Variants in POU6F2 observed in about 807,000 individuals in gnomAD.
POU6F2 encodes the protein POU class 6 homeobox 2, also known as POU domain, class 6, transcription factor 2.
In POU6F2, 31 loss-of-function variants were observed where a neutral mutation model predicts 71.3. The observed-to-expected ratio is 0.43, with a 90% CI of 0.33 to 0.59. POU6F2 has a LOEUF of 0.59. Among genes scored for constraint, POU6F2 ranks in the 20% least tolerant of loss-of-function variants. POU6F2 has a pLI of 0.04. For synonymous variants in POU6F2, 347 were observed against 355.7 expected (o/e 0.98, Z 0.27); for missense variants, 783 against 856.8 (o/e 0.91, Z 1.07).
intron 2 of POU6F2, among the ~76,000 whole-genome samples, chr7:39,153,986 A>T (rs1237392512): frequency 6.6e-6 from 1 of 152,222 alleles, no homozygotes; most frequent in Non-Finnish European, 1.5e-5. Context: ...ATAAACATCA[A>T]TAGTAACTGT....
At chr7:39,307,377 A>G (rs980532624) in intron 4 of POU6F2, among the ~76,000 whole-genome samples, 1 of 152,228 alleles carries the variant, frequency 6.6e-6, no homozygotes, top group African/African-American at 2.4e-5. Flanking sequence ...TTACAAATGT[A>G]AAAGTTAGAA....
chr7:39,006,685 C>A, intron 1 of POU6F2: 1 of 683,030 alleles, frequency 1.5e-6, no homozygotes, highest in South Asian at 1.8e-5. Flanking sequence ...CTGTAAAAAG[C>A]ATGTGTGTCA....
intron 4 of POU6F2, among the ~76,000 whole-genome samples, chr7:39,236,174 T>A (rs1275866840): frequency 2.0e-5 from 3 of 152,150 alleles, no homozygotes; most frequent in African/African-American, 7.2e-5. Flanking sequence ...TTTCTTTAAA[T>A]AGAACACACT....
intron 1 of POU6F2, among the ~76,000 whole-genome samples, chr7:39,054,566 T>A (rs1790467690): frequency 6.6e-6 from 1 of 152,032 alleles, no homozygotes; most frequent in Non-Finnish European, 1.5e-5. Context: ...TGAATACAGG[T>A]AATGGCCCTC....
intron 2 of POU6F2, among the ~76,000 whole-genome samples, chr7:39,139,871 C>G (rs1185457936): frequency 6.6e-6 from 1 of 152,124 alleles, no homozygotes; most frequent in African/African-American, 2.4e-5. Context: ...GCTATTCTGG[C>G]TCTAGGAAAG....
intron 4 of POU6F2, among the ~76,000 whole-genome samples, chr7:39,219,485 A>G (rs1036019977): frequency 6.6e-6 from 1 of 152,158 alleles, no homozygotes; most frequent in Non-Finnish European, 1.5e-5. Flanking sequence ...GGCAGTGGAA[A>G]TGGCACCATT....
chr7:39,136,884 G>A (rs1792399294), intron 2 of POU6F2, among the ~76,000 whole-genome samples: 1 of 151,378 alleles, frequency 6.6e-6, no homozygotes, highest in Non-Finnish European at 1.5e-5. Context: ...CTACTCAGGA[G>A]GCTGAGATGG....
At chr7:39,439,389 G>T (rs60003380) in intron 7 of POU6F2, among the ~76,000 whole-genome samples, 51,245 of 152,044 alleles carry the variant, frequency 0.34, 9,646 homozygotes, top group East Asian at 0.58. Context: ...GTATGAATTT[G>T]GTTCTGTCAT....
intron 1 of POU6F2, among the ~76,000 whole-genome samples, chr7:39,021,649 A>G (rs992270078): frequency 1.3e-5 from 2 of 152,038 alleles, no homozygotes; most frequent in African/African-American, 4.8e-5. Context: ...GTTTACTACA[A>G]ATTCCCTCTA....
intron 4 of POU6F2, among the ~76,000 whole-genome samples, chr7:39,286,212 G>A (rs568782599): frequency 2.0e-5 from 3 of 152,242 alleles, no homozygotes; most frequent in Admixed American, 2.0e-4. Context: ...AGCAAGATGG[G>A]GCTGGGGGCT....
chr7:39,050,365 T>G (rs1215694886), intron 1 of POU6F2, among the ~76,000 whole-genome samples: 1 of 152,074 alleles, frequency 6.6e-6, no homozygotes, highest in African/African-American at 2.4e-5. Flanking sequence ...AGTTTATAGT[T>G]CAGACAGTTT....
intron 5 of POU6F2, among the ~76,000 whole-genome samples, chr7:39,396,898 TAA>T (rs35808118): frequency 4.6e-4 from 65 of 141,234 alleles, no homozygotes; most frequent in East Asian, 4.1e-4. Context: ...AACCAATCAT[TAA>T]AAAAAAAAAA....
intron 4 of POU6F2, among the ~76,000 whole-genome samples, chr7:39,232,604 A>G (rs543098184): frequency 5.6e-4 from 85 of 152,336 alleles, no homozygotes; most frequent in South Asian, 1.0e-3. Context: ...GAATATTTAT[A>G]TTATTGCAGT....
intron 4 of POU6F2, among the ~76,000 whole-genome samples, chr7:39,315,395 T>C (rs1159860966): frequency 6.6e-6 from 1 of 152,134 alleles, no homozygotes; most frequent in Non-Finnish European, 1.5e-5. Context: ...TTTGCAAGGG[T>C]TAGAGGAGGT....
chr7:39,283,374 C>G (rs1784597330), intron 4 of POU6F2, among the ~76,000 whole-genome samples: 1 of 152,132 alleles, frequency 6.6e-6, no homozygotes, highest in Non-Finnish European at 1.5e-5. Context: ...ATCTCCAGAA[C>G]TTTTTCATCA....
chr7:39,125,135 C>A (rs1183989777), intron 2 of POU6F2, among the ~76,000 whole-genome samples: 1 of 151,918 alleles, frequency 6.6e-6, no homozygotes, highest in East Asian at 1.9e-4. Flanking sequence ...ATAGAAAATA[C>A]TTTGATTCAG....
chr7:39,320,156 TAAG>T (rs1244825256), intron 4 of POU6F2, among the ~76,000 whole-genome samples: 1 of 152,202 alleles, frequency 6.6e-6, no homozygotes, highest in African/African-American at 2.4e-5. Context: ...AGAGGCTAGA[TAAG>T]AATTCTTAAG....
intron 1 of POU6F2, among the ~76,000 whole-genome samples, chr7:39,072,679 T>C (rs11974942): frequency 9.2e-5 from 14 of 152,314 alleles, no homozygotes; most frequent in African/African-American, 3.4e-4. Context: ...GTGCCAATCT[T>C]GAATGGCTGT....
At chr7:39,454,703 T>G (rs1354087567) in intron 8 of POU6F2, among the ~76,000 whole-genome samples, 5,463 of 64,336 alleles carry the variant, frequency 0.085, 1,184 homozygotes, top group African/African-American at 0.27. Flanking sequence ...TATATATATA[T>G]ATATATATAT....
Sources: gnomAD v4.1 joint callset for allele counts (sites outside exome capture counted in the v4.1 genomes callset) on GRCh38, gnomAD v4.1.1 for gene constraint, MANE v1.5 for transcripts, NCBI Gene and HGNC (gene_info 2026-07-23, HGNC 2026-07-21) for gene names.